TBC1D32: variants seen among roughly 807,000 people sequenced by gnomAD.
TBC1D32 encodes the protein protein broad-minded.
In TBC1D32, 151 loss-of-function variants were observed where a neutral mutation model predicts 170.3. That is an observed-to-expected ratio of 0.89 (90% CI 0.78 to 1.01). The LOEUF (loss-of-function observed/expected upper bound fraction) is 1.01, where lower values mean the gene tolerates loss of function less well. Ranked by LOEUF, TBC1D32 falls within the 50% of genes least tolerant of loss-of-function variation. The pLI is 0.00. For synonymous variants in TBC1D32, 498 were observed against 488.0 expected, an observed-to-expected ratio of 1.02 and a Z score of -0.27; for missense variants, 1,464 against 1,457.1, an observed-to-expected ratio of 1.00 and a Z score of -0.08.
At chr6:121,260,833 G>A (rs1263222692) in intron 15 of TBC1D32, among the ~76,000 whole-genome samples, 1 of 148,076 alleles carries the variant, frequency 6.8e-6, no homozygotes, top group Non-Finnish European at 1.5e-5. Context: ...CTCGCTGGGG[G>A]AGAGGCAGAG....
intron 1 of TBC1D32, among the ~76,000 whole-genome samples, chr6:121,322,934 C>T (rs1371290655): frequency 1.3e-5 from 2 of 151,914 alleles, no homozygotes; most frequent in Non-Finnish European, 2.9e-5. Flanking sequence ...TATAATTATA[C>T]CCCCCATATA....
At chr6:121,126,261 CAAGT>C in intron 26 of TBC1D32, 113 bp downstream of exon 26, 1 of 680,410 alleles carries the variant, frequency 1.5e-6, no homozygotes, top group African/African-American at 1.8e-5. Context: ...TATATGGCAC[CAAGT>C]AAGAGATTGT....
chr6:121,300,064 A>T (rs1806234343), intron 9 of TBC1D32, among the ~76,000 whole-genome samples: 1 of 152,230 alleles, frequency 6.6e-6, no homozygotes, highest in Non-Finnish European at 1.5e-5. Flanking sequence ...CATTGTACAA[A>T]GCCAGGGAAA....
chr6:121,191,410 T>C (rs1790013426), intron 22 of TBC1D32, among the ~76,000 whole-genome samples: 1 of 152,208 alleles, frequency 6.6e-6, no homozygotes, highest in Non-Finnish European at 1.5e-5. Flanking sequence ...TTTTATTTTT[T>C]ATTTTTTATT....
chr6:121,325,951 G>T (rs1246150532), intron 1 of TBC1D32, among the ~76,000 whole-genome samples: 1 of 152,146 alleles, frequency 6.6e-6, no homozygotes, highest in Non-Finnish European at 1.5e-5. Context: ...CCATCAAAAA[G>T]TGGGTGAAGC....
At position 121,308,774 on chromosome 6, in the gene TBC1D32, C is replaced by A. The variant is rs554507441; in HGVS notation, c.565-673G>T. Among the ~76,000 whole-genome samples, 3 of 142,860 alleles carry A rather than the reference C, an allele frequency of 2.1e-5. No individual in the cohort carries two copies. In the Admixed American group the frequency reaches 2.3e-4, roughly 11 times the overall value. 93.7% of individuals were successfully genotyped at this position (142,860 alleles called of 152,430 possible). ...GCAGTGGCGCAATCTCGGCTCGCTG[C>A]AGAAAGCTTACTTCTTAATCAGTCT... is the stretch of plus-strand genomic sequence containing the variant. On this transcript the variant is annotated intron_variant, in intron 4 of 31. Coordinates refer to ENST00000398212, the MANE Select transcript of TBC1D32 (RefSeq NM_152730.6).
At chr6:121,280,616 A>T (rs1338064312) in intron 14 of TBC1D32, among the ~76,000 whole-genome samples, 1 of 151,910 alleles carries the variant, frequency 6.6e-6, no homozygotes, top group Admixed American at 6.6e-5. Context: ...CATATGGACC[A>T]AGCGTAAAAT....
At chr6:121,196,632 G>T (rs1039240288) in intron 22 of TBC1D32, among the ~76,000 whole-genome samples, 1 of 152,178 alleles carries the variant, frequency 6.6e-6, no homozygotes, top group South Asian at 2.1e-4. Context: ...AAGAAGCAGG[G>T]CAGTGGCTTA....
intron 29 of TBC1D32, among the ~76,000 whole-genome samples, chr6:121,111,331 TGTTAAGAC>T (rs1379715096): frequency 1.3e-5 from 2 of 152,204 alleles, no homozygotes; most frequent in Non-Finnish European, 2.9e-5. Context: ...AAGGCAGAAC[TGTTAAGAC>T]TAGTGGAATG....
Position 121,312,174 on chromosome 6 carries a change from C to T in TBC1D32, c.496-1327G>A, listed in dbSNP as rs1808308528. Among the ~76,000 whole-genome samples the T allele has an allele frequency of 2.0e-5, 3 of 152,140 alleles. No individual in the cohort carries two copies. In the South Asian group the frequency reaches 6.2e-4, roughly 32 times the overall value. ...CACATGGACACAGAGAGGGGAACAT[C>T]ACACACTGGGGCCTGTCAGGGAATG... On this transcript the variant is annotated intron_variant, in intron 3 of 31. Transcript: ENST00000398212.
chr6:121,095,693 TG>T (rs1475916659), intron 30 of TBC1D32, among the ~76,000 whole-genome samples: 1 of 152,164 alleles, frequency 6.6e-6, no homozygotes. Flanking sequence ...GAGATAATCG[TG>T]GTTTTTGTCA....
intron 22 of TBC1D32, among the ~76,000 whole-genome samples, chr6:121,198,245 A>ATT (rs1554265795): frequency 0.019 from 2,059 of 110,186 alleles, 46 homozygotes; most frequent in Middle Eastern, 0.039. Context: ...AAATATATAT[A>ATT]TTATATATAT....
chr6:121,268,282 G>T (rs1800832637), intron 15 of TBC1D32, among the ~76,000 whole-genome samples: 1 of 152,168 alleles, frequency 6.6e-6, no homozygotes, highest in South Asian at 2.1e-4. Flanking sequence ...AGAGAAGAAG[G>T]CTTCAGATGA....
chr6:121,223,520 A>T (rs950889516), intron 20 of TBC1D32, among the ~76,000 whole-genome samples, 168 bp from the exon 21 acceptor site: 2 of 152,200 alleles, frequency 1.3e-5, no homozygotes, highest in Admixed American at 6.6e-5. Context: ...AACAGTTAAC[A>T]TGCACAGCAA....
At chr6:121,107,057 A>G (rs1051812755) in intron 29 of TBC1D32, among the ~76,000 whole-genome samples, 3 of 151,958 alleles carry the variant, frequency 2.0e-5, no homozygotes, top group African/African-American at 7.2e-5. Context: ...AAGTTAATCA[A>G]ATTAGATCTG....
chr6:121,292,611 C>T (rs1415864226), intron 11 of TBC1D32, among the ~76,000 whole-genome samples: 2 of 152,158 alleles, frequency 1.3e-5, no homozygotes, highest in Non-Finnish European at 2.9e-5. Flanking sequence ...AAATTAGAAT[C>T]TCTACAATAT....
At chr6:121,213,509 TAA>T (rs1228513579) in intron 21 of TBC1D32, among the ~76,000 whole-genome samples, 1 of 10,722 alleles carries the variant, frequency 9.3e-5, no homozygotes, top group African/African-American at 1.2e-4. Context: ...TAAAATAAAA[TAA>T]AATAAAATAA....
intron 31 of TBC1D32, among the ~76,000 whole-genome samples, chr6:121,081,488 C>G (rs1158626569): frequency 6.6e-6 from 1 of 152,020 alleles, no homozygotes; most frequent in East Asian, 1.9e-4. Context: ...TACGCAGTAC[C>G]TACACTCAAG....
At chr6:121,288,570 A>C (rs576422154) in intron 12 of TBC1D32, among the ~76,000 whole-genome samples, 9 of 152,320 alleles carry the variant, frequency 5.9e-5, no homozygotes, top group Non-Finnish European at 7.3e-5. Flanking sequence ...ATTCTACCAG[A>C]GGTACAAGGA....
Sources: gnomAD v4.1 joint callset for allele counts (sites outside exome capture counted in the v4.1 genomes callset) on GRCh38, gnomAD v4.1.1 for gene constraint, MANE v1.5 for transcripts, NCBI Gene and HGNC (gene_info 2026-07-23, HGNC 2026-07-21) for gene names.